SKIL: variants seen among roughly 807,000 people sequenced by gnomAD.
SKIL encodes SKI like proto-oncogene.
Under a neutral mutation model 69.6 loss-of-function variants are expected in SKIL, and 20 were observed. The observed-to-expected ratio is 0.29, with a 90% CI of 0.20 to 0.42. The LOEUF (loss-of-function observed/expected upper bound fraction) is 0.42. Among genes scored for constraint, SKIL ranks in the 10% least tolerant of loss-of-function variants. The pLI is 1.00. For synonymous variants in SKIL, 310 were observed against 279.9 expected (o/e 1.11, Z -1.08); for missense variants, 745 against 783.1 (o/e 0.95, Z 0.58).
chr3:170,360,346 G>C lies in SKIL; in HGVS notation c.15G>C (p.Gln5His). 6.4e-7 allele frequency: 1 copy of C among 1,559,200 alleles called. No homozygotes were observed. Among genetic ancestry groups the C allele is most frequent in the Non-Finnish European group, 8.6e-7 (1 of 1,157,078 alleles). The change falls in exon 2 of 7, where the codon CAG (glutamine) becomes CAC (histidine). Residue 5 changes from glutamine (Q) to histidine (H), a missense_variant. Gln to His is a conservative substitution (Grantham distance 24, BLOSUM62 0). Coordinates refer to ENST00000259119, the MANE Select transcript of SKIL (RefSeq NM_005414.5). Reference sequence around the variant, plus strand: ...AAGAGTGTACCATGGAAAACCTCCAGACAAATTTCTCCTTGGTTCAGGGCT... The same window carrying C: ...AAGAGTGTACCATGGAAAACCTCCACACAAATTTCTCCTTGGTTCAGGGCT... MENL[Q>H]TNFSLVQGST...
chr3:170,386,373 G>T (rs937219856), intron 4 of SKIL, among the ~76,000 whole-genome samples: 8 of 151,962 alleles, frequency 5.3e-5, no homozygotes, highest in Non-Finnish European at 1.0e-4. Flanking sequence ...CAGGTGATCC[G>T]CCTGCCTCGG....
chr3:170,366,476 T>A (rs1463625639), intron 2 of SKIL, among the ~76,000 whole-genome samples: 1 of 152,054 alleles, frequency 6.6e-6, no homozygotes, highest in Non-Finnish European at 1.5e-5. Flanking sequence ...GGTCAGGGGT[T>A]CGGGACCAGC....
chr3:170,369,341 T>G (rs1253818907), intron 2 of SKIL, among the ~76,000 whole-genome samples: 4 of 152,302 alleles, frequency 2.6e-5, no homozygotes, highest in African/African-American at 9.6e-5. Flanking sequence ...AGTAGTTTTC[T>G]CGTAGCAGTG....
At chr3:170,364,114 C>T (rs1016818513) in intron 2 of SKIL, among the ~76,000 whole-genome samples, 52 of 152,134 alleles carry the variant, frequency 3.4e-4, no homozygotes, top group African/African-American at 1.2e-3. Flanking sequence ...CCATGCCCAG[C>T]TAATTTCTTT....
chr3:170,382,704 G>A (rs1394693455), intron 3 of SKIL, among the ~76,000 whole-genome samples: 6 of 144,818 alleles, frequency 4.1e-5, no homozygotes, highest in South Asian at 2.2e-4. Flanking sequence ...CCACCGCCCC[G>A]AGCCGCAACT....
At chr3:170,364,248 C>T (rs1434230010) in intron 2 of SKIL, among the ~76,000 whole-genome samples, 2 of 151,908 alleles carry the variant, frequency 1.3e-5, no homozygotes, top group Admixed American at 1.3e-4. Flanking sequence ...CCACCATGCC[C>T]AGTGGTGGTC....
chr3:170,376,554 A>G (rs1455410184), intron 2 of SKIL, among the ~76,000 whole-genome samples: 1 of 152,158 alleles, frequency 6.6e-6, no homozygotes, highest in Admixed American at 6.5e-5. Flanking sequence ...AACATAATTT[A>G]GCTATGTCAC....
intron 1 of SKIL, among the ~76,000 whole-genome samples, chr3:170,358,856 C>T (rs1261197704): frequency 6.6e-6 from 1 of 152,178 alleles, no homozygotes; most frequent in Non-Finnish European, 1.5e-5. Flanking sequence ...TAGCTTTTGG[C>T]TTCCATTAAG....
At chr3:170,384,838 C>T in intron 4 of SKIL, 73 bp downstream of exon 4, 1 of 817,142 alleles carries the variant, frequency 1.2e-6, no homozygotes, top group Non-Finnish European at 1.9e-6. Context: ...TTCAAACAGG[C>T]TTTTTGTTTG....
Position 170,392,651 on chromosome 3 carries a change from A to G in SKIL, c.*234A>G. The G allele has an allele frequency of 3.6e-6, 1 of 281,330 alleles. No homozygotes were observed. Among genetic ancestry groups the G allele is most frequent in the Non-Finnish European group, 6.6e-6 (1 of 151,824 alleles). The allele number at this position is 281,330 out of a possible 1,614,324, so 17.4% of individuals were successfully genotyped here. A position where few individuals can be genotyped will look rare whatever the true frequency, so the allele number is the denominator to read the frequency against. On this transcript the variant is annotated 3_prime_UTR_variant, in exon 7 of 7. Transcript: ENST00000259119. ...TTTTTAAAAAAATCAGCTTAGTAAC[A>G]ATACTATATGGTTTCAACTAGTAGG...
intron 3 of SKIL, among the ~76,000 whole-genome samples, chr3:170,382,698 C>T (rs1041756942): frequency 1.4e-5 from 2 of 147,520 alleles, no homozygotes; most frequent in Non-Finnish European, 3.0e-5. Context: ...TGTGAGCCAC[C>T]GCCCCGAGCC....
chr3:170,386,508 C>T (rs933345493), intron 4 of SKIL, among the ~76,000 whole-genome samples: 1 of 152,126 alleles, frequency 6.6e-6, no homozygotes, highest in East Asian at 1.9e-4. Context: ...CTCTGTTGCT[C>T]TAGGCTGGTG....
In SKIL at chr3:170,360,415, A is replaced by G; in HGVS notation, c.84A>G (p.Pro28=). 6.2e-7 allele frequency: 1 copy of G among 1,612,976 alleles called. No individual in the cohort carries two copies. The change falls in exon 2 of 7, where the codon CCA becomes CCG. Residue 28 remains proline, a synonymous_variant. Coordinates refer to ENST00000259119, the MANE Select transcript of SKIL (RefSeq NM_005414.5). ...LNGMGDDGSP[P]AKKMITDIHA... is the part of the protein sequence containing the mutation. ...GGATGGGAGATGATGGCAGCCCCCC[A>G]GCGAAAAAAATGATAACGGACATTC... is the stretch of plus-strand genomic sequence containing the variant.
intron 2 of SKIL, among the ~76,000 whole-genome samples, chr3:170,370,438 AGCCC>A (rs1157310282): frequency 2.4e-4 from 3 of 12,420 alleles, no homozygotes; most frequent in African/African-American, 9.7e-4. Context: ...AGAGAGAGAG[AGCCC>A]CCCCCCCCCC....
intron 1 of SKIL, among the ~76,000 whole-genome samples, chr3:170,358,063 C>G (rs1736021405): frequency 6.6e-6 from 1 of 152,028 alleles, no homozygotes; most frequent in Non-Finnish European, 1.5e-5. Context: ...CCCCGGAGAC[C>G]CGGACGCCCG....
intron 4 of SKIL, among the ~76,000 whole-genome samples, chr3:170,387,890 C>T (rs866641340): frequency 5.1e-5 from 7 of 137,122 alleles, no homozygotes; most frequent in Admixed American, 7.6e-5. Flanking sequence ...GCCGAGATCC[C>T]GCCACTGCAC....
At chr3:170,370,963 C>G (rs1030540435) in intron 2 of SKIL, among the ~76,000 whole-genome samples, 3 of 151,648 alleles carry the variant, frequency 2.0e-5, no homozygotes, top group African/African-American at 7.3e-5. Context: ...AAAAACAAGA[C>G]AAAACAAAAC....
chr3:170,387,259 T>A (rs1270273097), intron 4 of SKIL, among the ~76,000 whole-genome samples: 1 of 152,108 alleles, frequency 6.6e-6, no homozygotes. Context: ...TGACCTTAGG[T>A]GATCCACCCG....
chr3:170,365,559 A>T (rs1736459434), intron 2 of SKIL, among the ~76,000 whole-genome samples: 1 of 152,108 alleles, frequency 6.6e-6, no homozygotes, highest in Non-Finnish European at 1.5e-5. Flanking sequence ...CTGATAAGGG[A>T]TATTCAGCCT....
Sources: gnomAD v4.1 joint callset for allele counts (sites outside exome capture counted in the v4.1 genomes callset) on GRCh38, gnomAD v4.1.1 for gene constraint, MANE v1.5 for transcripts, NCBI Gene and HGNC (gene_info 2026-07-23, HGNC 2026-07-21) for gene names.